Variants in ARHGEF33 observed in about 807,000 individuals in gnomAD.
ARHGEF33 encodes the protein DH and coiled-coil domain-containing protein ENSP00000381780.
In ARHGEF33, 72 loss-of-function variants were observed where a neutral mutation model predicts 101.9. The ratio of observed to expected loss-of-function variants is 0.71; its 90% CI spans 0.58 to 0.86. ARHGEF33 has a LOEUF of 0.86. ARHGEF33 is among the 40% of genes least tolerant of loss of function. ARHGEF33 has a pLI of 0.00. For missense variants in ARHGEF33, 1,169 were observed against 1,111.3 expected (o/e 1.05, Z -0.74); for synonymous variants, 499 against 442.5 (o/e 1.13, Z -1.60).
At chr2:38,973,603 G>C in intron 17 of ARHGEF33, 111 bp from the exon 18 acceptor site, 1 of 1,243,176 alleles carries the variant, frequency 8.0e-7, no homozygotes, top group Non-Finnish European at 1.1e-6. Context: ...AAGTATTCCA[G>C]TTCTAGGAAG....
Position 38,937,483 on chromosome 2 carries a change from C to T in ARHGEF33, c.714C>T (p.His238=). The change falls in exon 9 of 18, where the codon CAC becomes CAT. Residue 238 remains histidine, a synonymous_variant. Transcript: ENST00000409978. Reference sequence around the variant, plus strand: ...GTGAAGAATACGTCACAAAAGACCACCCAGATAAACTCAAGGAGGCTGGCC... The same window carrying T: ...GTGAAGAATACGTCACAAAAGACCATCCAGATAAACTCAAGGAGGCTGGCC... ...EWGEEYVTKD[H]PDKLKEAGQG... The T allele has an allele frequency of 1.9e-6, 3 of 1,550,952 alleles. No individual in the cohort carries two copies. The highest frequency in any genetic ancestry group is 2.4e-5 in the South Asian group (2 of 84,020).
At chr2:38,924,551 TG>T (rs962560306) in intron 4 of ARHGEF33, among the ~76,000 whole-genome samples, 3 of 152,212 alleles carry the variant, frequency 2.0e-5, no homozygotes, top group Non-Finnish European at 4.4e-5. Context: ...CAACTCCAAC[TG>T]TGTTTTAAGC....
At chr2:38,914,529 T>G (rs1419680625) in intron 2 of ARHGEF33, among the ~76,000 whole-genome samples, 1 of 152,066 alleles carries the variant, frequency 6.6e-6, no homozygotes, top group African/African-American at 2.4e-5. Flanking sequence ...TATCCAGGCG[T>G]GGTGGCACAC....
At chr2:38,906,573 A>G (rs1666396324) in intron 2 of ARHGEF33, among the ~76,000 whole-genome samples, 1 of 151,938 alleles carries the variant, frequency 6.6e-6, no homozygotes, top group Non-Finnish European at 1.5e-5. Context: ...AAATAATCAA[A>G]CTAATGATGA....
At chr2:38,901,286 G>A (rs1175569117) in intron 2 of ARHGEF33, among the ~76,000 whole-genome samples, 2 of 152,190 alleles carry the variant, frequency 1.3e-5, no homozygotes, top group Non-Finnish European at 2.9e-5. Context: ...TTCTGGGGAT[G>A]TTTTAGCACC....
chr2:38,913,264 T>A (rs549518221), intron 2 of ARHGEF33, among the ~76,000 whole-genome samples: 1 of 152,308 alleles, frequency 6.6e-6, no homozygotes, highest in East Asian at 1.9e-4. Flanking sequence ...AAAAGCTGCG[T>A]AGATAAATTT....
chr2:38,941,528 G>T (rs1667306207), intron 9 of ARHGEF33, among the ~76,000 whole-genome samples: 1 of 151,548 alleles, frequency 6.6e-6, no homozygotes, highest in Non-Finnish European at 1.5e-5. Flanking sequence ...TCAGTTTTTT[G>T]CATGTTACCT....
Position 38,919,473 on chromosome 2 carries a change from G to T in ARHGEF33, c.25+1G>T. The T allele has an allele frequency of 6.4e-7, 1 of 1,551,750 alleles. No homozygotes were observed. The highest frequency in any genetic ancestry group is 8.7e-7 in the Non-Finnish European group (1 of 1,146,902). On this transcript the variant is annotated splice_donor_variant, in intron 3 of 17. Coordinates refer to ENST00000409978, the MANE Select transcript of ARHGEF33 (RefSeq NM_001145451.5). LOFTEE classifies it high-confidence loss of function. ...ATGGAAAAAACCAAAACAAAGCAAGGTCAGATTTTTCCTATGTCTTGCTTT... is the reference window on the plus strand; with the variant it reads ...ATGGAAAAAACCAAAACAAAGCAAGTTCAGATTTTTCCTATGTCTTGCTTT...
chr2:38,932,386 C>T (rs1236692578), intron 7 of ARHGEF33, among the ~76,000 whole-genome samples: 1 of 152,194 alleles, frequency 6.6e-6, no homozygotes, highest in African/African-American at 2.4e-5. Flanking sequence ...CTTGACCTCC[C>T]AAAGTGCTGG....
At chr2:38,951,561 C>T (rs1667605936) in intron 11 of ARHGEF33, among the ~76,000 whole-genome samples, 2 of 151,636 alleles carry the variant, frequency 1.3e-5, no homozygotes, top group South Asian at 4.2e-4. Context: ...GAACCCAGGA[C>T]TTCAAAACTA....
In ARHGEF33 at chr2:38,956,969, G is replaced by A. The variant is rs551992090; in HGVS notation, c.1292G>A (p.Arg431Gln). The A allele has an allele frequency of 7.0e-5, 108 of 1,552,134 alleles. No individual in the cohort carries two copies. Among genetic ancestry groups the A allele is most frequent in the Non-Finnish European group, 8.7e-5 (100 of 1,147,122 alleles). ...YLLLVCVQRL[R>Q]VFISHYTLLF... ...CTACTGGTGTGTGTCCAGCGCCTCC[G>A]AGTATTTATCTCACACTACACCCTG... The change falls in exon 14 of 18, where the codon CGA (arginine) becomes CAA (glutamine). Residue 431 changes from arginine (R) to glutamine (Q), a missense_variant. Coordinates refer to ENST00000409978, the MANE Select transcript of ARHGEF33 (RefSeq NM_001145451.5).
intron 4 of ARHGEF33, among the ~76,000 whole-genome samples, chr2:38,925,763 T>A (rs919505520): frequency 6.6e-6 from 1 of 152,190 alleles, no homozygotes; most frequent in African/African-American, 2.4e-5. Flanking sequence ...TTTTATAGAA[T>A]CATAGGAATT....
intron 2 of ARHGEF33, among the ~76,000 whole-genome samples, chr2:38,906,680 A>G (rs1666398971): frequency 6.6e-6 from 1 of 151,724 alleles, no homozygotes; most frequent in South Asian, 2.1e-4. Context: ...ATAAGATGAG[A>G]CTCGGCTGGG....
intron 10 of ARHGEF33, among the ~76,000 whole-genome samples, chr2:38,949,334 C>G (rs1402134680): frequency 6.6e-6 from 1 of 152,144 alleles, no homozygotes; most frequent in Non-Finnish European, 1.5e-5. Context: ...CATAAAGGAA[C>G]CTACCTTAAG....
At position 38,960,279 on chromosome 2, in the gene ARHGEF33, G is replaced by C; in HGVS notation, c.1974G>C (p.Arg658=). 1 of 1,547,412 alleles carries C rather than the reference G, an allele frequency of 6.5e-7. No individual in the cohort carries two copies. Among genetic ancestry groups the C allele is most frequent in the Non-Finnish European group, 8.7e-7 (1 of 1,146,180 alleles). The stretch of plus-strand genomic sequence containing the variant: ...CCAGCCTGGACATCTGCTTCCTGCG[G>C]CCCGTCAGCTTCGCCATGGAGGCCG... The part of the protein sequence containing the change: ...SESSLDICFL[R]PVSFAMEAER... Residue 658 remains arginine (R), a synonymous_variant, in exon 16 of 18, where the codon CGG becomes CGC. Transcript: ENST00000409978.
At chr2:38,907,295 A>T (rs1393347290) in intron 2 of ARHGEF33, among the ~76,000 whole-genome samples, 1 of 152,176 alleles carries the variant, frequency 6.6e-6, no homozygotes, top group Non-Finnish European at 1.5e-5. Context: ...GGCTTTGCTC[A>T]CTGGGAGTCT....
chr2:38,915,361 C>G (rs1666607290), intron 2 of ARHGEF33, among the ~76,000 whole-genome samples: 1 of 148,006 alleles, frequency 6.8e-6, no homozygotes, highest in Non-Finnish European at 1.5e-5. Flanking sequence ...CAAATTTTCT[C>G]TAACGTAGTT....
At position 38,960,414 on chromosome 2, in the gene ARHGEF33, G is replaced by C. The variant is rs1355828579; in HGVS notation, c.2109G>C (p.Lys703Asn). The C allele has an allele frequency of 6.6e-7, 1 of 1,512,422 alleles. No individual in the cohort carries two copies. Among genetic ancestry groups the C allele is most frequent in the South Asian group, 1.2e-5 (1 of 80,668 alleles). 93.7% of individuals were successfully genotyped at this position (1,512,422 alleles called of 1,614,324 possible). ...CGGCGCAGGCGCACGGCAAGGCCAA[G>C]CCGCTGAGCCGCTCTCTCAAAGAGT... ...EAAAQAHGKA[K>N]PLSRSLKEFP... The change falls in exon 16 of 18, where the codon AAG becomes AAC. Residue 703 changes from lysine (K) to asparagine (N), a missense_variant. Physicochemically the swap from Lys to Asn is moderately conservative, Grantham distance 94. Transcript: ENST00000409978.
chr2:38,921,433 A>G lies in ARHGEF33; in HGVS notation c.75+10A>G. The G allele has an allele frequency of 6.6e-7, 1 of 1,524,432 alleles. No individual in the cohort carries two copies. The highest frequency in any genetic ancestry group is 8.9e-7 in the Non-Finnish European group (1 of 1,122,028). The allele number at this position is 1,524,432 out of a possible 1,614,324, so 94.4% of individuals were successfully genotyped here. A position where few individuals can be genotyped will look rare whatever the true frequency, so the allele number is the denominator to read the frequency against. ...CACGCAGATTTACCAGGTAAAGACA[A>G]ATCGATTGTTTCAAATGCTCCCATG... On this transcript the variant is annotated intron_variant, in intron 4 of 17. Transcript: ENST00000409978.
Sources: allele counts gnomAD v4.1 joint callset (sites outside exome capture counted in the v4.1 genomes callset), GRCh38; gene constraint gnomAD v4.1.1; transcripts MANE v1.5; gene names NCBI Gene and HGNC (gene_info 2026-07-23, HGNC 2026-07-21).